The following SCAPER variants were observed in gnomAD, a reference collection of about 807,000 sequenced individuals.
SCAPER encodes the protein S phase cyclin A-associated protein in the endoplasmic reticulum.
SCAPER carries 98 observed loss-of-function variants against 182.2 expected under a neutral mutation model. The observed-to-expected ratio is 0.54, with a 90% confidence interval of 0.46 to 0.64. The LOEUF (loss-of-function observed/expected upper bound fraction) is 0.64, where lower values mean the gene tolerates loss of function less well. Ranked by LOEUF, SCAPER falls within the 30% of genes least tolerant of loss-of-function variation. SCAPER has a pLI of 0.00. For synonymous variants in SCAPER, 605 were observed against 564.6 expected, an observed-to-expected ratio of 1.07 and a Z score of -1.01; for missense variants, 1,432 against 1,690.0, an observed-to-expected ratio of 0.85 and a Z score of 2.68.
chr15:76,428,154 A>C (rs1334157646), intron 26 of SCAPER, among the ~76,000 whole-genome samples: 1 of 152,176 alleles, frequency 6.6e-6, no homozygotes, highest in African/African-American at 2.4e-5. Flanking sequence ...AGAGAAAAGG[A>C]AACACTTGAA....
At chr15:76,542,631 A>C (rs981793052) in intron 23 of SCAPER, among the ~76,000 whole-genome samples, 71 of 152,094 alleles carry the variant, frequency 4.7e-4, no homozygotes, top group Middle Eastern at 3.4e-3. Flanking sequence ...ATGATTTTAC[A>C]ACCTTCCTTA....
intron 22 of SCAPER, among the ~76,000 whole-genome samples, chr15:76,585,919 A>G (rs1047735144): frequency 2.0e-5 from 3 of 152,206 alleles, no homozygotes; most frequent in South Asian, 2.1e-4. Context: ...TTAACAACAG[A>G]AAGTTTTATT....
At chr15:76,662,116 G>C (rs1237700170) in intron 21 of SCAPER, among the ~76,000 whole-genome samples, 3 of 152,204 alleles carry the variant, frequency 2.0e-5, no homozygotes, top group Admixed American at 1.3e-4. Context: ...TCACTCGTAA[G>C]TGGGAGCTGA....
chr15:76,550,903 G>A (rs2045711255), intron 23 of SCAPER, among the ~76,000 whole-genome samples: 1 of 152,052 alleles, frequency 6.6e-6, no homozygotes, highest in African/African-American at 2.4e-5. Flanking sequence ...GGTATGAGAT[G>A]TGACATTTCT....
chr15:76,388,300 A>T (rs530859810), intron 27 of SCAPER, among the ~76,000 whole-genome samples: 2 of 152,154 alleles, frequency 1.3e-5, no homozygotes, highest in Admixed American at 1.3e-4. Flanking sequence ...TCTATGGAAA[A>T]TTTTCTAGGG....
At chr15:76,612,187 T>G (rs1401104278) in intron 22 of SCAPER, among the ~76,000 whole-genome samples, 5 of 152,192 alleles carry the variant, frequency 3.3e-5, no homozygotes, top group Non-Finnish European at 2.9e-5. Context: ...TGATCCTGTA[T>G]TTAGAAAATC....
intron 5 of SCAPER, among the ~76,000 whole-genome samples, chr15:76,839,808 T>C (rs960647927): frequency 6.6e-6 from 1 of 152,216 alleles, no homozygotes; most frequent in South Asian, 2.1e-4. Flanking sequence ...AACACAGTCA[T>C]GTCAGAGACA....
rs533336562 is a variant in SCAPER, at chr15:76,881,375, C to T, written c.6+2437G>A. On this transcript the variant is annotated intron_variant, in intron 2 of 31. Transcript: ENST00000563290. The stretch of plus-strand genomic sequence containing the variant: ...CCTTCCAAAGTGCTAGGATTACAGG[C>T]GTAAGCCATTGCGTCTGGCCTGAAA... Among the ~76,000 whole-genome samples the T allele has an allele frequency of 6.6e-5, 10 of 152,308 alleles. No homozygotes were observed. The East Asian group carries it at 9.6e-4, about 15-fold the overall frequency.
intron 21 of SCAPER, among the ~76,000 whole-genome samples, chr15:76,657,588 CAAAA>C (rs35243291): frequency 7.7e-6 from 1 of 129,860 alleles, no homozygotes; most frequent in Non-Finnish European, 1.6e-5. Context: ...GACACAACAA[CAAAA>C]AAAAAAAAAA....
At chr15:76,417,501 C>G (rs62028404) in intron 26 of SCAPER, among the ~76,000 whole-genome samples, 1 of 152,160 alleles carries the variant, frequency 6.6e-6, no homozygotes, top group East Asian at 1.9e-4. Flanking sequence ...AGAGATCTAG[C>G]TTAAGTAACT....
intron 21 of SCAPER, among the ~76,000 whole-genome samples, chr15:76,648,025 G>A (rs755747153): frequency 2.6e-5 from 4 of 151,962 alleles, no homozygotes; most frequent in Non-Finnish European, 4.4e-5. Context: ...GAGCAATGTA[G>A]CATTTATACT....
chr15:76,745,781 G>C (rs2061763026), intron 15 of SCAPER, among the ~76,000 whole-genome samples: 1 of 152,132 alleles, frequency 6.6e-6, no homozygotes, highest in African/African-American at 2.4e-5. Flanking sequence ...CAAAATGTAT[G>C]TAAGTCATAT....
intron 23 of SCAPER, among the ~76,000 whole-genome samples, chr15:76,564,542 T>G (rs1183289447): frequency 6.6e-6 from 1 of 152,148 alleles, no homozygotes; most frequent in East Asian, 1.9e-4. Flanking sequence ...AAACACTCCA[T>G]GCTCATGGAT....
At chr15:76,736,982 G>A (rs978502501) in intron 15 of SCAPER, 26 of 152,438 alleles carry the variant, frequency 1.7e-4, no homozygotes, top group African/African-American at 6.3e-4. Context: ...CACCACATTT[G>A]CAGTTGCTTC....
chr15:76,860,227 C>A (rs1016227462), intron 3 of SCAPER, among the ~76,000 whole-genome samples: 1 of 151,988 alleles, frequency 6.6e-6, no homozygotes. Context: ...TGAGAGAATA[C>A]AATTTCATAT....
intron 21 of SCAPER, among the ~76,000 whole-genome samples, chr15:76,648,959 A>G (rs941671492): frequency 2.6e-5 from 4 of 152,192 alleles, no homozygotes; most frequent in Non-Finnish European, 5.9e-5. Context: ...CAGCTTCTTC[A>G]CACTTTGCAA....
intron 23 of SCAPER, among the ~76,000 whole-genome samples, chr15:76,508,968 G>T (rs754939695): frequency 1.3e-5 from 2 of 152,076 alleles, no homozygotes; most frequent in Non-Finnish European, 2.9e-5. Context: ...GTAGGGACTG[G>T]CTATCCTACC....
intron 22 of SCAPER, among the ~76,000 whole-genome samples, chr15:76,592,660 C>T (rs548824677): frequency 1.6e-5 from 2 of 122,904 alleles, no homozygotes; most frequent in East Asian, 4.4e-4. Flanking sequence ...GTGGGCGCAG[C>T]CCATGGAGGG....
chr15:76,784,699 T>C (rs968201612), intron 8 of SCAPER, among the ~76,000 whole-genome samples: 15 of 152,008 alleles, frequency 9.9e-5, no homozygotes, highest in Non-Finnish European at 1.9e-4. Flanking sequence ...TATAGACCAA[T>C]GGAACAGAAC....
Sources: gnomAD v4.1 joint callset for allele counts (sites outside exome capture counted in the v4.1 genomes callset) on GRCh38, gnomAD v4.1.1 for gene constraint, MANE v1.5 for transcripts, NCBI Gene and HGNC (gene_info 2026-07-23, HGNC 2026-07-21) for gene names.